The following CD2AP variants were observed in gnomAD, a reference collection of about 807,000 sequenced individuals.
CD2AP encodes the protein CD2 associated protein, also known as CD2-associated protein.
A neutral mutation model predicts 85.1 loss-of-function variants in CD2AP; 46 were observed. The observed-to-expected ratio is 0.54, with a 90% confidence interval of 0.43 to 0.69. The LOEUF is 0.69. CD2AP is among the 30% of genes least tolerant of loss of function. The pLI is 0.00. For missense variants in CD2AP, 769 were observed against 729.5 expected, an observed-to-expected ratio of 1.05 and a Z score of -0.62; for synonymous variants, 255 against 252.9, an observed-to-expected ratio of 1.01 and a Z score of -0.08.
At chr6:47,493,734 T>C (rs540095986) in intron 1 of CD2AP, among the ~76,000 whole-genome samples, 1 of 152,262 alleles carries the variant, frequency 6.6e-6, no homozygotes, top group Non-Finnish European at 1.5e-5. Flanking sequence ...TGTTCTGTCC[T>C]GGGATTTTTT....
At chr6:47,530,018 C>A (rs1562018186) in intron 2 of CD2AP, among the ~76,000 whole-genome samples, 1 of 152,190 alleles carries the variant, frequency 6.6e-6, no homozygotes, top group African/African-American at 2.4e-5. Context: ...GACACTCTTC[C>A]TATTGCCTTC....
At chr6:47,494,084 T>C (rs1460053170) in intron 1 of CD2AP, among the ~76,000 whole-genome samples, 2 of 152,252 alleles carry the variant, frequency 1.3e-5, no homozygotes, top group Admixed American at 6.5e-5. Context: ...TTTGTCTCTT[T>C]AGACTTGCTT....
chr6:47,611,029 A>G (rs1427884364), intron 16 of CD2AP, among the ~76,000 whole-genome samples: 4 of 142,790 alleles, frequency 2.8e-5, no homozygotes, highest in Non-Finnish European at 6.1e-5. Context: ...GGTATTTTCA[A>G]TATCTTGAGT....
chr6:47,615,792 AATTT>A (rs144113571), intron 17 of CD2AP, among the ~76,000 whole-genome samples: 9,862 of 117,230 alleles, frequency 0.084, 368 homozygotes, highest in South Asian at 0.16. Context: ...AATTTAATTT[AATTT>A]ATTTATTTAT....
At chr6:47,601,770 G>A (rs993056147) in intron 13 of CD2AP, among the ~76,000 whole-genome samples, 1 of 151,904 alleles carries the variant, frequency 6.6e-6, no homozygotes, top group Non-Finnish European at 1.5e-5. Flanking sequence ...ATATGTTTTA[G>A]AAAGTTGAAA....
At chr6:47,599,782 T>C (rs371586026) in intron 13 of CD2AP, among the ~76,000 whole-genome samples, 1 of 152,024 alleles carries the variant, frequency 6.6e-6, no homozygotes, top group South Asian at 2.1e-4. Context: ...AGTTTAAAAA[T>C]GAGATGACAT....
At chr6:47,488,176 A>G (rs994152834) in intron 1 of CD2AP, among the ~76,000 whole-genome samples, 1 of 147,446 alleles carries the variant, frequency 6.8e-6, no homozygotes, top group Non-Finnish European at 1.5e-5. Flanking sequence ...CGTGTGTATA[A>G]ATAAAGGGAA....
At chr6:47,518,806 T>C (rs1165798291) in intron 2 of CD2AP, among the ~76,000 whole-genome samples, 1 of 152,210 alleles carries the variant, frequency 6.6e-6, no homozygotes, top group African/African-American at 2.4e-5. Context: ...TGTCCCTTTT[T>C]GCAATAGTTG....
intron 5 of CD2AP, among the ~76,000 whole-genome samples, chr6:47,558,734 T>G (rs142063376): frequency 6.6e-6 from 1 of 152,240 alleles, no homozygotes; most frequent in African/African-American, 2.4e-5. Context: ...CAGTATTTTA[T>G]TGAGGATTTT....
chr6:47,604,930 T>G (rs954374051), intron 13 of CD2AP, among the ~76,000 whole-genome samples: 1 of 152,060 alleles, frequency 6.6e-6, no homozygotes, highest in Admixed American at 6.6e-5. Context: ...TTATTCTAGT[T>G]GTTATAAAAT....
In CD2AP at chr6:47,501,455, T is replaced by C. The variant is rs941611648; in HGVS notation, c.5-1825T>C. On this transcript the variant is annotated intron_variant, in intron 1 of 17. Coordinates refer to ENST00000359314, the MANE Select transcript of CD2AP (RefSeq NM_012120.3). ...TCTGAGAAGTACATACCTAGACTAG[T>C]GAATATGTAACTCCCTGGGGCTGAG... 2.6e-5 allele frequency among the ~76,000 whole-genome samples: 4 copies of C among 152,146 alleles called. No individual in the cohort carries two copies. In the East Asian group the frequency reaches 7.7e-4, roughly 29 times the overall value.
In CD2AP at chr6:47,480,589, C is replaced by G. The variant is rs116168708; in HGVS notation, c.4+2341C>G. 9.4e-3 allele frequency among the ~76,000 whole-genome samples: 1,427 copies of G among 152,294 alleles called. 24 individuals are homozygous for G. Among genetic ancestry groups the G allele is most frequent in the African/African-American group, 0.033 (1,367 of 41,544 alleles). ...CTTCTCTGTGCTTCAGTTTCTCAATCTATAAATGGAATAAAATATCAACCT... is the reference window on the plus strand; with the variant it reads ...CTTCTCTGTGCTTCAGTTTCTCAATGTATAAATGGAATAAAATATCAACCT... On this transcript the variant is annotated intron_variant, in intron 1 of 17. Coordinates refer to ENST00000359314, the MANE Select transcript of CD2AP (RefSeq NM_012120.3).
intron 11 of CD2AP, among the ~76,000 whole-genome samples, chr6:47,582,692 A>C (rs975278006): frequency 1.3e-5 from 2 of 151,956 alleles, no homozygotes; most frequent in African/African-American, 2.4e-5. Context: ...TTCTTGCCTA[A>C]AGTATTGTAT....
intron 5 of CD2AP, among the ~76,000 whole-genome samples, chr6:47,573,485 T>G (rs987563843): frequency 4.0e-4 from 25 of 63,118 alleles, no homozygotes; most frequent in South Asian, 4.0e-4. Context: ...ATGCTGTGTG[T>G]TTTTTTTTTT....
intron 5 of CD2AP, among the ~76,000 whole-genome samples, chr6:47,566,196 C>T (rs1252692932): frequency 6.6e-6 from 1 of 151,302 alleles, no homozygotes; most frequent in Non-Finnish European, 1.5e-5. Context: ...GCAGAAAGTC[C>T]CCATTATCCA....
At chr6:47,603,491 G>A (rs945315053) in intron 13 of CD2AP, among the ~76,000 whole-genome samples, 1 of 151,856 alleles carries the variant, frequency 6.6e-6, no homozygotes, top group Admixed American at 6.6e-5. Flanking sequence ...AAACTGTCTT[G>A]GTGTTCAGTG....
intron 2 of CD2AP, among the ~76,000 whole-genome samples, chr6:47,519,278 A>G (rs993550979): frequency 1.3e-5 from 2 of 152,254 alleles, no homozygotes; most frequent in Non-Finnish European, 2.9e-5. Context: ...AGATTTGGCC[A>G]GTAAAACACA....
chr6:47,572,866 G>T lies in CD2AP; in HGVS notation c.542-1198G>T, dbSNP rs1359275171. Reference sequence around the variant, plus strand: ...TAGCCAAATGCCTGGTACAGAATTAGCTCTGAATAAATGGTAACTACTATT... The same window carrying T: ...TAGCCAAATGCCTGGTACAGAATTATCTCTGAATAAATGGTAACTACTATT... On this transcript the variant is annotated intron_variant, in intron 5 of 17. Transcript: ENST00000359314. Among the ~76,000 whole-genome samples the T allele has an allele frequency of 7.8e-4, 118 of 152,234 alleles. 3 individuals are homozygous for T. The highest frequency in any genetic ancestry group is 1.5e-4 in the Non-Finnish European group (10 of 68,004).
chr6:47,498,376 G>A (rs1486443952), intron 1 of CD2AP, among the ~76,000 whole-genome samples: 2 of 152,030 alleles, frequency 1.3e-5, no homozygotes, highest in South Asian at 2.1e-4. Flanking sequence ...TTCTAGGATC[G>A]TTTATTGTTA....
Sources: allele counts gnomAD v4.1 joint callset (sites outside exome capture counted in the v4.1 genomes callset), GRCh38; gene constraint gnomAD v4.1.1; transcripts MANE v1.5; gene names NCBI Gene and HGNC (gene_info 2026-07-23, HGNC 2026-07-21).